RBFOX1: variants seen among roughly 807,000 people sequenced by gnomAD.
RBFOX1 encodes RNA binding protein fox-1 homolog 1.
In RBFOX1, 8 loss-of-function variants were observed where a neutral mutation model predicts 57.7. That is an observed-to-expected ratio of 0.14 (90% CI 0.08 to 0.25). RBFOX1 has a LOEUF of 0.25. RBFOX1 is among the 10% of genes least tolerant of loss of function. RBFOX1 has a pLI of 1.00. For synonymous variants in RBFOX1, 326 were observed against 222.4 expected, an observed-to-expected ratio of 1.47 and a Z score of -4.15; for missense variants, 611 against 548.5, an observed-to-expected ratio of 1.11 and a Z score of -1.14.
chr16:6,673,699 C>T (rs1008973239), intron 3 of RBFOX1, among the ~76,000 whole-genome samples: 1 of 152,118 alleles, frequency 6.6e-6, no homozygotes, highest in Non-Finnish European at 1.5e-5. Context: ...TTCTGTGACC[C>T]ATGTGCCTGG....
At chr16:6,406,245 C>G (rs1596706755) in intron 2 of RBFOX1, among the ~76,000 whole-genome samples, 1 of 152,300 alleles carries the variant, frequency 6.6e-6, no homozygotes, top group African/African-American at 2.4e-5. Flanking sequence ...AGAGGCAATA[C>G]CCATTAATTC....
intron 12 of RBFOX1, among the ~76,000 whole-genome samples, chr16:7,661,583 TATC>T (rs1348354691): frequency 6.6e-6 from 1 of 152,220 alleles, no homozygotes; most frequent in African/African-American, 2.4e-5. Flanking sequence ...TCTCCTGCAG[TATC>T]TATCTCAGCT....
chr16:5,868,481 G>A (rs1233887795), intron 4 of RBFOX1, among the ~76,000 whole-genome samples: 1 of 152,192 alleles, frequency 6.6e-6, no homozygotes, highest in Non-Finnish European at 1.5e-5. Flanking sequence ...CGTTAGTAGG[G>A]TAAAATAGAA....
intron 2 of RBFOX1, among the ~76,000 whole-genome samples, chr16:6,399,143 C>A: frequency 6.6e-6 from 1 of 152,210 alleles, no homozygotes. Context: ...CCTCTTTTAA[C>A]CATGGCTGGA....
intron 4 of RBFOX1, among the ~76,000 whole-genome samples, chr16:7,173,565 C>T (rs2081115971): frequency 6.6e-6 from 1 of 152,020 alleles, no homozygotes; most frequent in African/African-American, 2.4e-5. Context: ...TTTGTCATCT[C>T]AATTACAGTA....
intron 4 of RBFOX1, among the ~76,000 whole-genome samples, chr16:7,310,114 C>G (rs537959057): frequency 2.8e-4 from 42 of 152,314 alleles, no homozygotes; most frequent in African/African-American, 9.6e-4. Context: ...CACAATGGCC[C>G]AGAAGAGCCC....
chr16:6,067,998 A>C (rs1287567150), intron 1 of RBFOX1, among the ~76,000 whole-genome samples: 2 of 152,194 alleles, frequency 1.3e-5, no homozygotes, highest in Non-Finnish European at 2.9e-5. Flanking sequence ...GGGAAAACAC[A>C]GTCTTTCTAT....
intron 14 of RBFOX1, among the ~76,000 whole-genome samples, chr16:7,706,318 G>A (rs922332831): frequency 6.6e-6 from 1 of 152,200 alleles, no homozygotes; most frequent in African/African-American, 2.4e-5. Context: ...TCACCCTGAA[G>A]AGAAAAGGAG....
At chr16:6,675,610 AAG>A (rs1268809430) in intron 3 of RBFOX1, among the ~76,000 whole-genome samples, 1 of 152,202 alleles carries the variant, frequency 6.6e-6, no homozygotes, top group African/African-American at 2.4e-5. Flanking sequence ...TGTAAAGAAA[AAG>A]AGCTTTAATA....
intron 4 of RBFOX1, among the ~76,000 whole-genome samples, chr16:7,258,085 T>C (rs1293283123): frequency 6.6e-6 from 1 of 152,196 alleles, no homozygotes; most frequent in Admixed American, 6.5e-5. Context: ...CAGTTGGCCA[T>C]ATTCTGTTCA....
intron 2 of RBFOX1, among the ~76,000 whole-genome samples, chr16:6,574,348 A>C (rs1452727651): frequency 6.6e-6 from 1 of 150,602 alleles, no homozygotes; most frequent in African/African-American, 2.4e-5. Context: ...CCTGTGCGTC[A>C]GTTTTTCACT....
intron 2 of RBFOX1, among the ~76,000 whole-genome samples, chr16:6,616,797 T>C (rs2098148418): frequency 6.6e-6 from 1 of 152,208 alleles, no homozygotes; most frequent in Non-Finnish European, 1.5e-5. Context: ...CTACAGCCAT[T>C]ATTCTGATTA....
At chr16:5,981,651 T>TTTC (rs2060175460) in intron 4 of RBFOX1, among the ~76,000 whole-genome samples, 1 of 151,998 alleles carries the variant, frequency 6.6e-6, no homozygotes, top group Non-Finnish European at 1.5e-5. Context: ...ATATTTTTAG[T>TTTC]AGAGATGGGG....
chr16:5,267,171 C>A (rs897254303), intron 1 of RBFOX1, among the ~76,000 whole-genome samples: 13 of 152,144 alleles, frequency 8.5e-5, no homozygotes, highest in African/African-American at 1.2e-4. Flanking sequence ...CAAGTGGAAG[C>A]CCAAAGCATT....
At chr16:5,993,673 A>G (rs185938159) in intron 4 of RBFOX1, among the ~76,000 whole-genome samples, 45 of 152,272 alleles carry the variant, frequency 3.0e-4, no homozygotes, top group East Asian at 5.8e-4. Context: ...TTACCCATTT[A>G]GCTGCAGTGA....
In RBFOX1 at chr16:6,006,479, C is replaced by A. The variant is rs79044621; in HGVS notation, c.351+139144C>A. On this transcript the variant is annotated intron_variant, in intron 4 of 19. Transcript: ENST00000641259. The stretch of plus-strand genomic sequence containing the variant: ...ATTGGAGGGCATTTTGATGCAGTAA[C>A]CAGAGAACCTGCCAACGTGGACCAT... Among the ~76,000 whole-genome samples the A allele has an allele frequency of 4.7e-3, 715 of 152,236 alleles. 2 individuals are homozygous for A. Among genetic ancestry groups the A allele is most frequent in the Non-Finnish European group, 6.4e-3 (434 of 68,018 alleles).
In RBFOX1 at chr16:6,517,921, G is replaced by A. The variant is rs139086013; in HGVS notation, c.-63-136682G>A. ...CTTGTGGTGATGATAATGAGATGTC[G>A]ATAGTAGTGATGATGGTGATGGTAA... On this transcript the variant is annotated intron_variant, in intron 2 of 15. Transcript: ENST00000550418. Among the ~76,000 whole-genome samples, 87 of 152,286 alleles carry A rather than the reference G, an allele frequency of 5.7e-4. 1 individual carries two copies. In the East Asian group the frequency reaches 0.01, roughly 18 times the overall value.
intron 3 of RBFOX1, among the ~76,000 whole-genome samples, chr16:6,933,307 A>G (rs1047040654): frequency 1.3e-5 from 2 of 152,136 alleles, no homozygotes; most frequent in Non-Finnish European, 2.9e-5. Context: ...TTTTTTAGTA[A>G]CCGACATACT....
chr16:6,635,903 C>T (rs1478167961), intron 2 of RBFOX1, among the ~76,000 whole-genome samples: 3 of 152,152 alleles, frequency 2.0e-5, no homozygotes, highest in African/African-American at 7.2e-5. Context: ...ATTTCTTTTT[C>T]AGATTTTGGA....
Sources: allele counts gnomAD v4.1 joint callset (sites outside exome capture counted in the v4.1 genomes callset), GRCh38; gene constraint gnomAD v4.1.1; transcripts MANE v1.5; gene names NCBI Gene and HGNC (gene_info 2026-07-23, HGNC 2026-07-21).